FNIP2: variants seen among roughly 807,000 people sequenced by gnomAD.
The protein encoded by FNIP2 is folliculin-interacting protein 2.
Under a neutral mutation model 108.7 loss-of-function variants are expected in FNIP2, and 32 were observed. The ratio of observed to expected loss-of-function variants is 0.29; its 90% CI spans 0.22 to 0.40. FNIP2 has a LOEUF of 0.40. Ranked by LOEUF, FNIP2 falls within the 10% of genes least tolerant of loss-of-function variation. The pLI is 1.00. For missense variants in FNIP2, 1,202 were observed against 1,381.6 expected, an observed-to-expected ratio of 0.87 and a Z score of 2.06; for synonymous variants, 480 against 496.7, an observed-to-expected ratio of 0.97 and a Z score of 0.45.
chr4:158,827,457 A>T (rs898831471), intron 2 of FNIP2, among the ~76,000 whole-genome samples: 2 of 152,220 alleles, frequency 1.3e-5, no homozygotes, highest in Non-Finnish European at 2.9e-5. Context: ...TCTTAGAAGC[A>T]TTCATCTAAC....
At chr4:158,839,689 A>G (rs1233510625) in intron 7 of FNIP2, among the ~76,000 whole-genome samples, 1 of 152,120 alleles carries the variant, frequency 6.6e-6, no homozygotes, top group Admixed American at 6.6e-5. Context: ...TTGTTGCTCA[A>G]ATTGTTTCGG....
intron 10 of FNIP2, 93 bp from the exon 11 acceptor site, chr4:158,861,249 T>C: frequency 7.2e-7 from 1 of 1,391,292 alleles, no homozygotes; most frequent in African/African-American, 1.4e-5. Context: ...ACTACATAGA[T>C]TCAAGTTGTT....
At chr4:158,872,538 A>G (rs1040841104) in intron 14 of FNIP2, 2 of 985,320 alleles carry the variant, frequency 2.0e-6, no homozygotes, top group African/African-American at 3.5e-5. Context: ...TTGTGGGTAC[A>G]TCCAAAGTGC....
intron 1 of FNIP2, among the ~76,000 whole-genome samples, chr4:158,822,680 A>C (rs1382279903): frequency 2.0e-5 from 3 of 152,062 alleles, no homozygotes; most frequent in African/African-American, 7.2e-5. Context: ...AAAAAATTTT[A>C]AACAGTCTGG....
intron 15 of FNIP2, chr4:158,893,377 C>G (rs2126775209): frequency 4.0e-6 from 1 of 248,630 alleles, no homozygotes; most frequent in East Asian, 7.4e-5. Context: ...TAGAACCTAT[C>G]TCCTATGGTT....
intron 14 of FNIP2, chr4:158,872,148 G>A (rs1272296816): frequency 1.0e-6 from 1 of 985,262 alleles, no homozygotes; most frequent in Admixed American, 6.2e-5. Flanking sequence ...TGTCCTCAGT[G>A]ACATCAGTTT....
intron 3 of FNIP2, among the ~76,000 whole-genome samples, chr4:158,829,595 A>G (rs748844069): frequency 1.3e-5 from 2 of 152,200 alleles, no homozygotes; most frequent in Non-Finnish European, 2.9e-5. Context: ...TCCTAAGAAA[A>G]TAGAACATAC....
At chr4:158,889,572 C>G (rs1444264700) in intron 14 of FNIP2, among the ~76,000 whole-genome samples, 1 of 152,136 alleles carries the variant, frequency 6.6e-6, no homozygotes, top group East Asian at 1.9e-4. Context: ...TTACCTATTG[C>G]AAATCAATCC....
chr4:158,780,581 G>A (rs1776009326), intron 1 of FNIP2, among the ~76,000 whole-genome samples: 1 of 152,134 alleles, frequency 6.6e-6, no homozygotes, highest in Non-Finnish European at 1.5e-5. Flanking sequence ...AACACTTGAG[G>A]CTTGCCTGAA....
chr4:158,822,127 A>G (rs1204548796), intron 1 of FNIP2, among the ~76,000 whole-genome samples: 2 of 150,880 alleles, frequency 1.3e-5, no homozygotes, highest in Non-Finnish European at 3.0e-5. Flanking sequence ...ATATTTATGT[A>G]TTAAACCAAA....
chr4:158,811,477 G>C (rs894073348), intron 1 of FNIP2, among the ~76,000 whole-genome samples: 1 of 152,030 alleles, frequency 6.6e-6, no homozygotes, highest in African/African-American at 2.4e-5. Context: ...TATGATCTGA[G>C]GGTCTTCTCT....
At chr4:158,871,977 A>G in intron 14 of FNIP2, 1 of 983,838 alleles carries the variant, frequency 1.0e-6, no homozygotes, top group Non-Finnish European at 1.2e-6. Flanking sequence ...CCTATTGTTT[A>G]TATTCACACA....
chr4:158,877,872 C>T (rs1029843366), intron 14 of FNIP2, among the ~76,000 whole-genome samples: 6 of 151,994 alleles, frequency 3.9e-5, no homozygotes, highest in Admixed American at 1.3e-4. Context: ...CTCTGGAGGT[C>T]GAAGCTGCAG....
At chr4:158,851,562 T>C (rs1328539184) in intron 8 of FNIP2, 112 bp downstream of exon 8, 18 of 1,308,040 alleles carry the variant, frequency 1.4e-5, no homozygotes, top group Non-Finnish European at 1.6e-5. Flanking sequence ...CAAAACTTTT[T>C]TATTAGCTTC....
At chr4:158,856,220 A>T (rs1317470439) in intron 8 of FNIP2, among the ~76,000 whole-genome samples, 1 of 152,182 alleles carries the variant, frequency 6.6e-6, no homozygotes, top group East Asian at 1.9e-4. Flanking sequence ...AATTGGACCA[A>T]CTTTATAAAG....
intron 1 of FNIP2, among the ~76,000 whole-genome samples, chr4:158,786,671 A>G (rs1370732987): frequency 6.6e-6 from 1 of 152,230 alleles, no homozygotes; most frequent in East Asian, 1.9e-4. Flanking sequence ...TTATTTTTAA[A>G]AAAAACAGCT....
At position 158,861,736 on chromosome 4, in the gene FNIP2, G is replaced by A. The variant is rs1780311711; in HGVS notation, c.1425G>A (p.Leu475=). The A allele has an allele frequency of 6.2e-7, 1 of 1,614,002 alleles. No individual in the cohort carries two copies. Among genetic ancestry groups the A allele is most frequent in the Non-Finnish European group, 8.5e-7 (1 of 1,179,906 alleles). Residue 475 remains leucine (L), a synonymous_variant, in exon 12 of 17, where the codon CTG becomes CTA. Transcript: ENST00000264433. ...EKRTSQSVNM[L]AKTHPYNPLW... Reference sequence around the variant, plus strand: ...GTACCTCCCAGTCAGTGAACATGCTGGCCAAAACACATCCGTATAATCCTC... The same window carrying A: ...GTACCTCCCAGTCAGTGAACATGCTAGCCAAAACACATCCGTATAATCCTC...
intron 2 of FNIP2, among the ~76,000 whole-genome samples, chr4:158,826,616 AGTG>A (rs150947952): frequency 0.029 from 4,341 of 151,548 alleles, 89 homozygotes; most frequent in Non-Finnish European, 0.038. Flanking sequence ...GTTGGGTGGT[AGTG>A]GTGGTGGTGG....
At chr4:158,846,318 G>C (rs1244356143) in intron 7 of FNIP2, among the ~76,000 whole-genome samples, 3 of 151,840 alleles carry the variant, frequency 2.0e-5, no homozygotes, top group Non-Finnish European at 4.4e-5. Flanking sequence ...TTTCTTTTCT[G>C]TTTTTTTAAA....
Sources: gnomAD v4.1 joint callset for allele counts (sites outside exome capture counted in the v4.1 genomes callset) on GRCh38, gnomAD v4.1.1 for gene constraint, MANE v1.5 for transcripts, NCBI Gene and HGNC (gene_info 2026-07-23, HGNC 2026-07-21) for gene names.